Variants in GLIS3 observed in about 807,000 individuals in gnomAD.
GLIS3 encodes GLIS family zinc finger 3.
In GLIS3, 53 loss-of-function variants were observed where a neutral mutation model predicts 78.6. The ratio of observed to expected loss-of-function variants is 0.67; its 90% CI spans 0.54 to 0.85. The LOEUF (loss-of-function observed/expected upper bound fraction) is 0.85. GLIS3 is among the 40% of genes least tolerant of loss of function. The pLI is 0.00. For synonymous variants in GLIS3, 684 were observed against 509.9 expected, an observed-to-expected ratio of 1.34 and a Z score of -4.60; for missense variants, 1,703 against 1,231.1, an observed-to-expected ratio of 1.38 and a Z score of -5.74.
At chr9:3,958,384 A>T (rs1817305197) in intron 4 of GLIS3, among the ~76,000 whole-genome samples, 2 of 152,228 alleles carry the variant, frequency 1.3e-5, no homozygotes, top group African/African-American at 2.4e-5. Context: ...GTCATGAATC[A>T]TTAGAGTTAT....
At chr9:4,075,798 A>C (rs1362314296) in intron 4 of GLIS3, among the ~76,000 whole-genome samples, 2 of 152,198 alleles carry the variant, frequency 1.3e-5, no homozygotes, top group African/African-American at 4.8e-5. Context: ...CTACTTAACC[A>C]TGCAGCAACA....
At chr9:4,065,391 A>C (rs1290895215) in intron 4 of GLIS3, among the ~76,000 whole-genome samples, 1 of 152,222 alleles carries the variant, frequency 6.6e-6, no homozygotes, top group Non-Finnish European at 1.5e-5. Flanking sequence ...CTGTATAAAG[A>C]CCTTCACTTT....
chr9:4,378,368 A>C, the GLIS3 span, among the ~76,000 whole-genome samples: 1 of 152,112 alleles, frequency 6.6e-6, no homozygotes, highest in East Asian at 1.9e-4. Context: ...TTTCAGATAC[A>C]CTGAAAACAT....
chr9:4,310,944 G>T (rs557257324), intron 2 of GLIS3, among the ~76,000 whole-genome samples: 1 of 152,188 alleles, frequency 6.6e-6, no homozygotes, highest in African/African-American at 2.4e-5. Context: ...CTAGAGATTT[G>T]GACCCATTCT....
chr9:3,920,413 T>C (rs1342694359), intron 6 of GLIS3, among the ~76,000 whole-genome samples: 1 of 152,150 alleles, frequency 6.6e-6, no homozygotes, highest in Non-Finnish European at 1.5e-5. Context: ...AAGTGTCTAA[T>C]CAATTTCATG....
chr9:4,481,600 G>A, the GLIS3 span, among the ~76,000 whole-genome samples: 2 of 151,740 alleles, frequency 1.3e-5, no homozygotes, highest in Non-Finnish European at 2.9e-5. Context: ...TCAGGTCAAA[G>A]CTAAAATATG....
At chr9:4,254,784 G>A (rs1470177824) in intron 2 of GLIS3, among the ~76,000 whole-genome samples, 1 of 149,972 alleles carries the variant, frequency 6.7e-6, no homozygotes, top group East Asian at 2.0e-4. Flanking sequence ...AGGTTGTAGT[G>A]AGCCAAGACC....
intron 2 of GLIS3, among the ~76,000 whole-genome samples, chr9:4,145,843 C>A (rs1458423474): frequency 1.3e-5 from 2 of 152,018 alleles, no homozygotes; most frequent in Non-Finnish European, 2.9e-5. Context: ...CTGGGAAGTG[C>A]ATACCCGCTC....
the GLIS3 span, among the ~76,000 whole-genome samples, chr9:4,484,231 T>A: frequency 0.18 from 25,045 of 140,396 alleles, 2,651 homozygotes; most frequent in Middle Eastern, 0.3. Context: ...AACTAACTTT[T>A]TTTTTTTATT....
At chr9:4,480,692 C>A in the GLIS3 span, among the ~76,000 whole-genome samples, 1 of 151,866 alleles carries the variant, frequency 6.6e-6, no homozygotes, top group Non-Finnish European at 1.5e-5. Flanking sequence ...AGCATGTGCT[C>A]AGGAAGGCAA....
At chr9:4,067,261 A>C (rs2130607680) in intron 4 of GLIS3, among the ~76,000 whole-genome samples, 1 of 151,580 alleles carries the variant, frequency 6.6e-6, no homozygotes, top group South Asian at 2.1e-4. Context: ...CTTTATATTA[A>C]AGACTCACTA....
At chr9:4,267,540 G>C (rs1826126019) in intron 2 of GLIS3, among the ~76,000 whole-genome samples, 1 of 152,254 alleles carries the variant, frequency 6.6e-6, no homozygotes, top group Admixed American at 6.5e-5. Context: ...TAATCTCTTT[G>C]TCCTTGACAA....
At chr9:3,947,622 C>T (rs530585746) in intron 4 of GLIS3, among the ~76,000 whole-genome samples, 9 of 152,256 alleles carry the variant, frequency 5.9e-5, no homozygotes, top group South Asian at 4.1e-4. Context: ...AATTCACACA[C>T]GAAGAGAATA....
intron 2 of GLIS3, among the ~76,000 whole-genome samples, chr9:4,218,174 C>T (rs1184946657): frequency 5.9e-5 from 9 of 152,260 alleles, no homozygotes; most frequent in Admixed American, 5.9e-4. Context: ...TCTGCTACCA[C>T]ATCGTATCAA....
At chr9:4,062,272 G>A (rs770738107) in intron 4 of GLIS3, among the ~76,000 whole-genome samples, 2 of 152,186 alleles carry the variant, frequency 1.3e-5, no homozygotes, top group Non-Finnish European at 1.5e-5. Flanking sequence ...TCATGATGTT[G>A]TATAAGGTGT....
the GLIS3 span, among the ~76,000 whole-genome samples, chr9:4,483,906 C>G: frequency 6.6e-6 from 1 of 152,094 alleles, no homozygotes; most frequent in African/African-American, 2.4e-5. Flanking sequence ...TCATTTGATT[C>G]TTCCAGCAGC....
chr9:4,185,179 T>C (rs1414459270), intron 2 of GLIS3, among the ~76,000 whole-genome samples: 1 of 152,238 alleles, frequency 6.6e-6, no homozygotes, highest in Non-Finnish European at 1.5e-5. Flanking sequence ...TTTAACACTT[T>C]GTACCAACGC....
chr9:4,187,445 G>C (rs1055194013), intron 2 of GLIS3, among the ~76,000 whole-genome samples: 16 of 152,140 alleles, frequency 1.1e-4, no homozygotes, highest in Non-Finnish European at 1.8e-4. Flanking sequence ...CTCCAGCTTT[G>C]TTCTTTTGGC....
chr9:4,397,181 A>G, the GLIS3 span, among the ~76,000 whole-genome samples: 12 of 139,988 alleles, frequency 8.6e-5, no homozygotes, highest in African/African-American at 1.1e-4. Flanking sequence ...GCCCGCCACT[A>G]CGCCCGGCTA....
Sources: allele counts gnomAD v4.1 joint callset (sites outside exome capture counted in the v4.1 genomes callset), GRCh38; gene constraint gnomAD v4.1.1; transcripts MANE v1.5; gene names NCBI Gene and HGNC (gene_info 2026-07-23, HGNC 2026-07-21).